Variants in ZFHX3 observed in about 807,000 individuals in gnomAD.
ZFHX3 encodes zinc finger homeobox 3, also known as zinc finger homeobox protein 3.
Under a neutral mutation model 279.1 loss-of-function variants are expected in ZFHX3, and 42 were observed. The observed-to-expected ratio is 0.15, with a 90% CI of 0.12 to 0.19. The LOEUF (loss-of-function observed/expected upper bound fraction) is 0.19, where lower values mean the gene tolerates loss of function less well. Among genes scored for constraint, ZFHX3 ranks in the 10% least tolerant of loss-of-function variants. ZFHX3 has a pLI of 1.00. For missense variants in ZFHX3, 4,981 were observed against 4,754.0 expected (o/e 1.05, Z -1.40); for synonymous variants, 2,293 against 1,957.8 (o/e 1.17, Z -4.52).
chr16:72,794,702 A>T lies in ZFHX3; in HGVS notation c.7980T>A (p.Tyr2660Ter). Residue 2660 changes from tyrosine (Y) to a stop codon, truncating the protein, a stop_gained, in exon 9 of 10, where the codon TAT becomes TAA. Coordinates refer to ENST00000268489, the MANE Select transcript of ZFHX3 (RefSeq NM_006885.4). LOFTEE classifies it high-confidence loss of function. The surrounding 1 kb of genome is among the most constrained non-coding windows in gnomAD (Gnocchi z 4.2). ...TTCGAGTCGGATTGGAATCCAGTAG[A>T]TACTTCTGGTAGAGAATTTCTAGTT... ...PEQLEILYQK[Y>*]LLDSNPTRKM... 6.2e-7 allele frequency: 1 copy of T among 1,614,208 alleles called. No homozygotes were observed. The highest frequency in any genetic ancestry group is 8.5e-7 in the Non-Finnish European group (1 of 1,180,048).
intron 1 of ZFHX3, among the ~76,000 whole-genome samples, chr16:73,754,984 A>G (rs1567399260): frequency 1.3e-5 from 2 of 152,156 alleles, no homozygotes; most frequent in Non-Finnish European, 2.9e-5. Flanking sequence ...TAAACATACA[A>G]TTTTGTTTAA....
At chr16:73,017,034 T>C (rs1964124649) in intron 1 of ZFHX3, among the ~76,000 whole-genome samples, 1 of 151,900 alleles carries the variant, frequency 6.6e-6, no homozygotes, top group Non-Finnish European at 1.5e-5. Flanking sequence ...AAGACCAGAC[T>C]AGGCAATATG....
chr16:73,451,858 G>T (rs1358967883), intron 3 of ZFHX3, among the ~76,000 whole-genome samples: 4 of 152,192 alleles, frequency 2.6e-5, no homozygotes, highest in African/African-American at 9.7e-5. Context: ...ACTGTTCCAT[G>T]TGATAAACAC....
chr16:73,849,346 A>C (rs532892246), intron 1 of ZFHX3, among the ~76,000 whole-genome samples: 16 of 152,180 alleles, frequency 1.1e-4, no homozygotes, highest in African/African-American at 3.9e-4. Flanking sequence ...ACTTCACTTC[A>C]TCTGAACTCA....
At position 72,958,015 on chromosome 16, in the gene ZFHX3, G is replaced by A; in HGVS notation, c.2131C>T (p.Pro711Ser). ...TAGCTCTCGCCTCGTGCCAGCCGGG[G>A]GTGGGGCTGCCCGCTTTTGCAGTAG... ...CVYCKSGQPH[P>S]RLARGESYTC... The change falls in exon 2 of 10, where the codon CCC becomes TCC. Residue 711 changes from proline (P) to serine (S), a missense_variant. Transcript: ENST00000268489. 1.9e-6 allele frequency: 3 copies of A among 1,608,860 alleles called. No individual in the cohort carries two copies. Among genetic ancestry groups the A allele is most frequent in the Non-Finnish European group, 2.5e-6 (3 of 1,178,068 alleles).
chr16:73,723,886 C>T (rs1216829568), intron 1 of ZFHX3, among the ~76,000 whole-genome samples: 2 of 152,068 alleles, frequency 1.3e-5, no homozygotes, highest in African/African-American at 2.4e-5. Context: ...CCCAGGACAC[C>T]CTGATTATTT....
chr16:73,272,282 A>T (rs1293335328), intron 4 of ZFHX3, among the ~76,000 whole-genome samples: 1 of 152,222 alleles, frequency 6.6e-6, no homozygotes, highest in Non-Finnish European at 1.5e-5. Flanking sequence ...AAAATAAATT[A>T]TTGAGTATTC....
chr16:73,421,670 C>T (rs2017721254), intron 3 of ZFHX3, among the ~76,000 whole-genome samples: 1 of 152,030 alleles, frequency 6.6e-6, no homozygotes, highest in East Asian at 1.9e-4. Context: ...GCTCCATAAA[C>T]CTCCTGTTTC....
chr16:73,030,696 T>C (rs1964667818), intron 1 of ZFHX3, among the ~76,000 whole-genome samples: 1 of 151,772 alleles, frequency 6.6e-6, no homozygotes. Flanking sequence ...AGTTAGAAAC[T>C]AGGGTCCCCA....
At chr16:73,434,533 GAA>G (rs1044202750) in intron 3 of ZFHX3, among the ~76,000 whole-genome samples, 1 of 152,140 alleles carries the variant, frequency 6.6e-6, no homozygotes, top group Non-Finnish European at 1.5e-5. Context: ...TATTTTAATA[GAA>G]ATTTCAAGTT....
At chr16:73,824,206 G>A (rs186708481) in intron 1 of ZFHX3, among the ~76,000 whole-genome samples, 63 of 152,218 alleles carry the variant, frequency 4.1e-4, no homozygotes, top group African/African-American at 1.3e-3. Flanking sequence ...GTTATGTTGC[G>A]TGTCTCAAAT....
At chr16:73,564,133 T>C (rs1482190962) in intron 2 of ZFHX3, among the ~76,000 whole-genome samples, 1 of 152,198 alleles carries the variant, frequency 6.6e-6, no homozygotes, top group Non-Finnish European at 1.5e-5. Flanking sequence ...GCTTCCTACC[T>C]GTCACAAGTC....
chr16:72,928,981 T>C (rs1168938188), intron 3 of ZFHX3, among the ~76,000 whole-genome samples: 1 of 151,984 alleles, frequency 6.6e-6, no homozygotes, highest in Non-Finnish European at 1.5e-5. Context: ...CTCATGCCTA[T>C]AACCCCAGCA....
chr16:73,781,083 A>T (rs1194832473), intron 1 of ZFHX3, among the ~76,000 whole-genome samples: 1 of 152,218 alleles, frequency 6.6e-6, no homozygotes, highest in African/African-American at 2.4e-5. Context: ...GCTTGGGAAG[A>T]TGAGGAAATT....
chr16:73,197,805 T>G (rs1968181879), intron 5 of ZFHX3, among the ~76,000 whole-genome samples: 1 of 152,188 alleles, frequency 6.6e-6, no homozygotes, highest in Non-Finnish European at 1.5e-5. Context: ...CCAGTGCTTT[T>G]CAGTTTATGG....
intron 3 of ZFHX3, among the ~76,000 whole-genome samples, chr16:72,941,391 C>G (rs1370391267): frequency 6.6e-6 from 1 of 152,182 alleles, no homozygotes; most frequent in Admixed American, 6.5e-5. Context: ...AGCCACATAG[C>G]TCTCTTTACA....
intron 1 of ZFHX3, among the ~76,000 whole-genome samples, chr16:73,696,284 G>A (rs887961509): frequency 2.6e-5 from 4 of 152,274 alleles, no homozygotes; most frequent in Middle Eastern, 6.8e-3. Context: ...GTATAGAGAG[G>A]TGAGTTCCCC....
At chr16:73,888,917 G>A (rs2030438298) in intron 1 of ZFHX3, among the ~76,000 whole-genome samples, 1 of 128,498 alleles carries the variant, frequency 7.8e-6, no homozygotes, top group Non-Finnish European at 1.6e-5. Flanking sequence ...AAAAAATCCT[G>A]TAAACCTCTG....
chr16:73,816,841 A>C (rs1960587643), intron 1 of ZFHX3, among the ~76,000 whole-genome samples: 1 of 152,228 alleles, frequency 6.6e-6, no homozygotes, highest in Admixed American at 6.5e-5. Flanking sequence ...TCACACCCAG[A>C]CAACTGGACT....
Sources: allele counts gnomAD v4.1 joint callset (sites outside exome capture counted in the v4.1 genomes callset), GRCh38; gene constraint gnomAD v4.1.1; non-coding constraint Gnocchi (gnomAD v3.1); transcripts MANE v1.5; gene names NCBI Gene and HGNC (gene_info 2026-07-23, HGNC 2026-07-21).